Variants in TRIM27 observed in about 807,000 individuals in gnomAD.
TRIM27 encodes the protein zinc finger protein RFP.
A neutral mutation model predicts 57.6 loss-of-function variants in TRIM27; 12 were observed. That is an observed-to-expected ratio of 0.21 (90% CI 0.13 to 0.34). The LOEUF is 0.34. TRIM27 is among the 10% of genes least tolerant of loss of function. The pLI, the probability that TRIM27 is intolerant of heterozygous loss-of-function variation, is 1.00. For synonymous variants in TRIM27, 266 were observed against 259.0 expected (o/e 1.03, Z -0.26); for missense variants, 403 against 656.8 (o/e 0.61, Z 4.22).
chr6:28,919,977 T>A (rs771871547), intron 3 of TRIM27, 35 bp downstream of exon 3: 9 of 1,576,660 alleles, frequency 5.7e-6, no homozygotes, highest in Non-Finnish European at 7.8e-6. Context: ...ATATTTTCAG[T>A]GGGTGCTGCT....
intron 6 of TRIM27, 122 bp from the exon 7 acceptor site, chr6:28,907,384 T>C (rs993344905): frequency 1.3e-4 from 121 of 919,122 alleles, no homozygotes; most frequent in Non-Finnish European, 2.0e-4. Context: ...AGAACCTCTG[T>C]TGTTAGTCAT....
intron 3 of TRIM27, chr6:28,915,128 C>T (rs756112190): frequency 3.3e-5 from 5 of 151,892 alleles, no homozygotes; most frequent in African/African-American, 7.3e-5. Flanking sequence ...CAGTATTGCC[C>T]CATTAAGTAA....
At chr6:28,908,496 T>A (rs891545914) in intron 6 of TRIM27, 1 of 377,280 alleles carries the variant, frequency 2.7e-6, no homozygotes. Context: ...GTGAAACGTA[T>A]CCAAGGTAGT....
rs1446632931 is a variant in TRIM27 at position 28,921,799 on chromosome 6, G to A, written c.516+93C>T. 4.2e-5 allele frequency: 43 copies of A among 1,018,262 alleles called. No homozygotes were observed. In the South Asian group the frequency reaches 5.6e-4, roughly 13 times the overall value. 63.1% of individuals were successfully genotyped at this position (1,018,262 alleles called of 1,614,324 possible). A position where few individuals can be genotyped will look rare whatever the true frequency, so the allele number is the denominator to read the frequency against. On this transcript the variant is annotated intron_variant, in intron 2 of 7. Transcript: ENST00000377199. ...ATCCACCTCTACCTACAAGTTCTGG[G>A]TGACATGCTGGACAAGTTTAAGGGA...
intron 3 of TRIM27, 87 bp from the exon 4 acceptor site, chr6:28,911,805 C>T (rs1773228803): frequency 1.6e-6 from 2 of 1,283,826 alleles, no homozygotes; most frequent in Non-Finnish European, 2.2e-6. Context: ...AAACCAACTA[C>T]AGACTGGCTC....
Position 28,903,968 on chromosome 6 carries a change from G to T in TRIM27, c.*102C>A. On this transcript the variant is annotated 3_prime_UTR_variant, in exon 8 of 8. Coordinates refer to ENST00000377199, the MANE Select transcript of TRIM27 (RefSeq NM_006510.5). ...CTCCCACTGCAAGGGCGTGGAACAT[G>T]GTAAGGATACCCAGCTGTGACAGGA... 1.1e-6 allele frequency: 1 copy of T among 907,578 alleles called. No homozygotes were observed. The highest frequency in any genetic ancestry group is 1.5e-5 in the South Asian group (1 of 64,898). The allele number at this position is 907,578 out of a possible 1,614,324, so 56.2% of individuals were successfully genotyped here. A position where few individuals can be genotyped will look rare whatever the true frequency, so the allele number is the denominator to read the frequency against.
chr6:28,914,586 G>C (rs989859022), intron 3 of TRIM27, among the ~76,000 whole-genome samples: 2 of 106,970 alleles, frequency 1.9e-5, no homozygotes, highest in Non-Finnish European at 3.7e-5. Flanking sequence ...AAGGGTGGGG[G>C]GGGGGGGATG....
intron 3 of TRIM27, among the ~76,000 whole-genome samples, chr6:28,913,673 C>T (rs1260503940): frequency 6.6e-6 from 1 of 152,014 alleles, no homozygotes; most frequent in Non-Finnish European, 1.5e-5. Flanking sequence ...TTTTAGTTTG[C>T]ATTTCTCTTA....
intron 7 of TRIM27, 85 bp downstream of exon 7, chr6:28,907,150 CA>C: frequency 5.4e-6 from 7 of 1,290,054 alleles, no homozygotes; most frequent in Non-Finnish European, 7.6e-6. Flanking sequence ...CAAATCTAAG[CA>C]ATTTCCAAAT....
At chr6:28,914,047 A>G (rs1372336090) in intron 3 of TRIM27, among the ~76,000 whole-genome samples, 2 of 142,200 alleles carry the variant, frequency 1.4e-5, no homozygotes, top group East Asian at 4.0e-4. Flanking sequence ...TTTAAGACAG[A>G]GTCTTGCTCT....
intron 6 of TRIM27, 185 bp from the exon 7 acceptor site, chr6:28,907,447 A>C (rs1272786692): frequency 5.6e-6 from 4 of 717,146 alleles, no homozygotes; most frequent in South Asian, 4.5e-5. Context: ...AAAAGCTTTA[A>C]GGGGAGAGGG....
At chr6:28,921,541 C>G (rs1384755451) in intron 2 of TRIM27, among the ~76,000 whole-genome samples, 1 of 152,168 alleles carries the variant, frequency 6.6e-6, no homozygotes, top group African/African-American at 2.4e-5. Flanking sequence ...GGGGATTACA[C>G]AAATCCACTA....
intron 6 of TRIM27, chr6:28,907,953 A>C: frequency 5.5e-6 from 1 of 182,216 alleles, no homozygotes; most frequent in Non-Finnish European, 1.2e-5. Flanking sequence ...AGCATATACA[A>C]AATAGAAAAT....
At chr6:28,911,203 CCTCA>C (rs1773179699) in intron 4 of TRIM27, 1 of 124,156 alleles carries the variant, frequency 8.1e-6, no homozygotes, top group Non-Finnish European at 1.6e-5. Context: ...GGGAGTTCTT[CCTCA>C]CTTTTTTTTT....
At chr6:28,922,971 A>T (rs1183113873) in intron 1 of TRIM27, among the ~76,000 whole-genome samples, 1 of 152,196 alleles carries the variant, frequency 6.6e-6, no homozygotes, top group Non-Finnish European at 1.5e-5. Flanking sequence ...TCCGTGAGAC[A>T]GGTAACATGG....
intron 2 of TRIM27, among the ~76,000 whole-genome samples, chr6:28,920,956 T>G (rs565615335): frequency 2.0e-5 from 3 of 152,272 alleles, no homozygotes; most frequent in African/African-American, 7.2e-5. Context: ...TCTCTAGCTT[T>G]GGGTAGGAGG....
chr6:28,904,133 A>T lies in TRIM27; in HGVS notation c.1479T>A (p.Ser493Arg). 3 of 1,612,790 alleles carry T rather than the reference A, an allele frequency of 1.9e-6. No homozygotes were observed. The highest frequency in any genetic ancestry group is 2.5e-6 in the Non-Finnish European group (3 of 1,179,950). Reference sequence around the variant, plus strand: ...CATGGCCAGAAAACCCATCTATCCCACTCATGGGGCAGATGATCAGAGGAG... The same window carrying T: ...CATGGCCAGAAAACCCATCTATCCCTCTCATGGGGCAGATGATCAGAGGAG... ...SAAPLIICPMSGIDGFSGHVG... is the reference protein window; with the variant it reads ...SAAPLIICPMRGIDGFSGHVG... The change falls in exon 8 of 8, where the codon AGT becomes AGA. Residue 493 changes from serine to arginine, a missense_variant. Ser to Arg is a moderately radical substitution (Grantham distance 110). Transcript: ENST00000377199. The surrounding 1 kb of genome is among the most constrained non-coding windows in gnomAD (Gnocchi z 6.1).
In TRIM27 at chr6:28,913,197, G is replaced by A. The variant is rs191323772; in HGVS notation, c.748-1479C>T. 1.9e-3 allele frequency among the ~76,000 whole-genome samples: 277 copies of A among 149,632 alleles called. 4 individuals carry two copies. Among genetic ancestry groups the A allele is most frequent in the African/African-American group, 6.5e-3 (263 of 40,618 alleles). ...TTGAACCCGGGAGGCAGAGGTTGCG[G>A]TAAGCTGAGATCTTGCCATTGTACT... On this transcript the variant is annotated intron_variant, in intron 3 of 7. Transcript: ENST00000377199.
At chr6:28,922,654 G>A (rs1774135186) in intron 1 of TRIM27, among the ~76,000 whole-genome samples, 1 of 152,138 alleles carries the variant, frequency 6.6e-6, no homozygotes, top group Admixed American at 6.5e-5. Context: ...TTCACAAAGG[G>A]CTCTGTGAGT....
Sources: allele counts gnomAD v4.1 joint callset (sites outside exome capture counted in the v4.1 genomes callset), GRCh38; gene constraint gnomAD v4.1.1; non-coding constraint Gnocchi (gnomAD v3.1); transcripts MANE v1.5; gene names NCBI Gene and HGNC (gene_info 2026-07-23, HGNC 2026-07-21).